Variants in GALNT12 observed in about 807,000 individuals in gnomAD.
The protein encoded by GALNT12 is polypeptide N-acetylgalactosaminyltransferase 12, also known as UDP-GalNAc:polypeptide N-acetylgalactosaminyltransferase 12.
Under a neutral mutation model 55.5 loss-of-function variants are expected in GALNT12, and 45 were observed. The observed-to-expected ratio is 0.81, with a 90% CI of 0.64 to 1.04. GALNT12 has a LOEUF of 1.04. Among genes scored for constraint, GALNT12 ranks in the 50% least tolerant of loss-of-function variants. The pLI is 0.00. For missense variants in GALNT12, 709 were observed against 754.8 expected (o/e 0.94, Z 0.71); for synonymous variants, 304 against 312.2 (o/e 0.97, Z 0.28).
At chr9:98,845,208 G>A (rs1053738000) in intron 8 of GALNT12, among the ~76,000 whole-genome samples, 4 of 152,164 alleles carry the variant, frequency 2.6e-5, no homozygotes, top group East Asian at 3.9e-4. Flanking sequence ...CAACACTACC[G>A]AATCCCAGAC....
At chr9:98,835,827 C>T (rs963581892) in intron 5 of GALNT12, among the ~76,000 whole-genome samples, 2 of 152,194 alleles carry the variant, frequency 1.3e-5, no homozygotes, top group East Asian at 1.9e-4. Context: ...CCTCCGCCTC[C>T]TGTGTTGAAG....
At chr9:98,823,457 T>C in intron 2 of GALNT12, 32 bp downstream of exon 2, 1 of 1,589,578 alleles carries the variant, frequency 6.3e-7, no homozygotes, top group Non-Finnish European at 8.6e-7. Context: ...GGGAAGAGCC[T>C]GTCCTTCTGT....
At chr9:98,834,777 G>A (rs988137790) in intron 4 of GALNT12, among the ~76,000 whole-genome samples, 9 of 152,178 alleles carry the variant, frequency 5.9e-5, no homozygotes, top group South Asian at 2.1e-4. Context: ...CCTTCTTCTC[G>A]GAACGTGGTC....
chr9:98,808,367 G>A (rs1040996603), intron 1 of GALNT12, among the ~76,000 whole-genome samples: 1 of 152,150 alleles, frequency 6.6e-6, no homozygotes, highest in Non-Finnish European at 1.5e-5. Flanking sequence ...TAAGCAGAAG[G>A]GTTTAAGGCG....
intron 1 of GALNT12, among the ~76,000 whole-genome samples, chr9:98,818,064 T>C (rs1268317149): frequency 6.6e-6 from 1 of 152,212 alleles, no homozygotes; most frequent in Non-Finnish European, 1.5e-5. Context: ...TACTATAATA[T>C]TATATACATT....
intron 4 of GALNT12, among the ~76,000 whole-genome samples, chr9:98,834,515 G>A (rs1016006051): frequency 2.6e-5 from 4 of 152,236 alleles, no homozygotes; most frequent in East Asian, 1.9e-4. Context: ...GCCGTGGGCC[G>A]TTTCTGGTTA....
chr9:98,817,109 G>A (rs4743282), intron 1 of GALNT12, among the ~76,000 whole-genome samples: 88,914 of 151,864 alleles, frequency 0.59, 26,664 homozygotes, highest in Middle Eastern at 0.67. Context: ...TACAGGCGTG[G>A]GCCACTGTGC....
At chr9:98,831,121 C>G (rs1835983403) in intron 3 of GALNT12, among the ~76,000 whole-genome samples, 1 of 152,166 alleles carries the variant, frequency 6.6e-6, no homozygotes, top group Non-Finnish European at 1.5e-5. Context: ...AGGCTGATAC[C>G]TGCAAAAGGA....
At chr9:98,832,602 C>T (rs1301926967) in intron 4 of GALNT12, among the ~76,000 whole-genome samples, 1 of 152,140 alleles carries the variant, frequency 6.6e-6, no homozygotes, top group Non-Finnish European at 1.5e-5. Context: ...ATGATCTTTA[C>T]CTATTTCCAG....
intron 9 of GALNT12, 97 bp from the exon 10 acceptor site, chr9:98,848,855 G>A: frequency 1.4e-6 from 2 of 1,439,396 alleles, no homozygotes; most frequent in Non-Finnish European, 1.9e-6. Flanking sequence ...AAATATTTCT[G>A]AAATGGTAAA....
intron 7 of GALNT12, among the ~76,000 whole-genome samples, chr9:98,841,643 G>A (rs1318423231): frequency 6.6e-6 from 1 of 150,638 alleles, no homozygotes; most frequent in Non-Finnish European, 1.5e-5. Flanking sequence ...GTGAGTTTTA[G>A]AATTCATACA....
At chr9:98,823,668 T>A (rs1163298513) in intron 2 of GALNT12, among the ~76,000 whole-genome samples, 1 of 152,050 alleles carries the variant, frequency 6.6e-6, no homozygotes, top group Non-Finnish European at 1.5e-5. Flanking sequence ...GGAGGTGATG[T>A]AGGAGGTGAG....
At chr9:98,844,419 A>T (rs1187528977) in intron 8 of GALNT12, 1 of 569,394 alleles carries the variant, frequency 1.8e-6, no homozygotes, top group Non-Finnish European at 3.1e-6. Flanking sequence ...TGTTGTAAAT[A>T]GTTGTCATAA....
chr9:98,838,066 A>C (rs921429283), intron 6 of GALNT12, among the ~76,000 whole-genome samples: 1 of 152,204 alleles, frequency 6.6e-6, no homozygotes. Flanking sequence ...CACAGGGTAC[A>C]AGTTAAGGCA....
At chr9:98,832,006 A>G in intron 4 of GALNT12, 49 bp downstream of exon 4, 1 of 1,530,166 alleles carries the variant, frequency 6.5e-7, no homozygotes, top group Non-Finnish European at 9.0e-7. Context: ...TGCCTCATTG[A>G]ATCTGGCTGA....
At chr9:98,826,614 C>G in intron 2 of GALNT12, 138 bp from the exon 3 acceptor site, 1 of 869,338 alleles carries the variant, frequency 1.2e-6, no homozygotes, top group Non-Finnish European at 1.9e-6. Context: ...TAAGGATGTC[C>G]CAGGTGGCAG....
intron 2 of GALNT12, among the ~76,000 whole-genome samples, chr9:98,824,423 G>C (rs927301153): frequency 6.6e-6 from 1 of 152,130 alleles, no homozygotes; most frequent in African/African-American, 2.4e-5. Flanking sequence ...CCTTCCTCCC[G>C]AGGGCACTGC....
chr9:98,826,057 C>T (rs111932526), intron 2 of GALNT12, among the ~76,000 whole-genome samples: 6 of 152,058 alleles, frequency 3.9e-5, no homozygotes, highest in South Asian at 2.1e-4. Context: ...CTGCTCTGGG[C>T]GGTAGTGTTA....
intron 1 of GALNT12, among the ~76,000 whole-genome samples, chr9:98,814,353 A>G (rs182114151): frequency 1.3e-5 from 2 of 152,290 alleles, no homozygotes; most frequent in East Asian, 1.9e-4. Flanking sequence ...TTTTCTACAG[A>G]GGATATGATT....
Sources: gnomAD v4.1 joint callset for allele counts (sites outside exome capture counted in the v4.1 genomes callset) on GRCh38, gnomAD v4.1.1 for gene constraint, MANE v1.5 for transcripts, NCBI Gene and HGNC (gene_info 2026-07-23, HGNC 2026-07-21) for gene names.